Variants in UFM1 observed in about 807,000 individuals in gnomAD.
UFM1 encodes ubiquitin-fold modifier 1.
In UFM1, 9 loss-of-function variants were observed where a neutral mutation model predicts 15.4. The observed-to-expected ratio is 0.59, with a 90% confidence interval of 0.35 to 1.02. UFM1 has a LOEUF of 1.02. Ranked by LOEUF, UFM1 falls within the 50% of genes least tolerant of loss-of-function variation. The pLI is 0.02. For missense variants in UFM1, 98 were observed against 104.7 expected, an observed-to-expected ratio of 0.94 and a Z score of 0.28; for synonymous variants, 27 against 36.3, an observed-to-expected ratio of 0.74 and a Z score of 0.92.
chr13:38,350,223 G>GA, intron 2 of UFM1, 168 bp downstream of exon 2: 1 of 1,609,168 alleles, frequency 6.2e-7, no homozygotes, highest in Non-Finnish European at 8.5e-7. Flanking sequence ...AGCCTGCGAG[G>GA]AGAGGTCCGT....
chr13:38,350,054 G>A lies in UFM1; in HGVS notation c.58G>A (p.Val20Ile). The part of the protein sequence containing the change: ...LTSDPRLPYK[V>I]LSVPESTPFT... ...GTCGGACCCACGGCTGCCGTACAAA[G>A]TGTGAGTAGCTCGGCCGAGATGGGC... Residue 20 changes from valine to isoleucine, a missense_variant and splice_region_variant, in exon 2 of 6, where the codon GTA becomes ATA. By Grantham distance (29) the Val-to-Ile change is conservative. Coordinates refer to ENST00000239878, the MANE Select transcript of UFM1 (RefSeq NM_016617.4). 2.5e-6 allele frequency: 4 copies of A among 1,614,258 alleles called. No individual in the cohort carries two copies. The highest frequency in any genetic ancestry group is 3.4e-6 in the Non-Finnish European group (4 of 1,180,058).
Position 38,362,273 on chromosome 13 carries a change from T to C in UFM1, c.*1495T>C, listed in dbSNP as rs1023429303. ...TTCTCTATCATAGGCCCTAAGTTCA[T>C]TGGGGGAAAAAAAATAAGAAGATTC... On this transcript the variant is annotated 3_prime_UTR_variant, in exon 6 of 6. Coordinates refer to ENST00000239878, the MANE Select transcript of UFM1 (RefSeq NM_016617.4). 7 of 151,954 alleles carry C rather than the reference T, an allele frequency of 4.6e-5. No individual in the cohort carries two copies. The highest frequency in any genetic ancestry group is 3.2e-3 in the Middle Eastern group (1 of 316). The allele number at this position is 151,954 out of a possible 1,614,324, so 9.4% of individuals were successfully genotyped here.
At chr13:38,358,155 T>C in intron 4 of UFM1, 23 bp downstream of exon 4, 1 of 1,406,724 alleles carries the variant, frequency 7.1e-7, no homozygotes, top group Admixed American at 2.5e-5. Context: ...TATAAAATTA[T>C]GTATTACCTC....
chr13:38,363,033 C>T lies in UFM1; in HGVS notation c.*2255C>T, dbSNP rs536535640. The T allele has an allele frequency of 1.3e-5, 2 of 152,148 alleles. No individual in the cohort carries two copies. Among genetic ancestry groups the T allele is most frequent in the East Asian group, 3.9e-4 (2 of 5,174 alleles). The allele number at this position is 152,148 out of a possible 1,614,324, so 9.4% of individuals were successfully genotyped here. A position where few individuals can be genotyped will look rare whatever the true frequency, so the allele number is the denominator to read the frequency against. Reference sequence around the variant, plus strand: ...ATTGTCTGTTCTTATTATTAGAGCTCTTAATCAGCACACCTTTTGAGTCAG... The same window carrying T: ...ATTGTCTGTTCTTATTATTAGAGCTTTTAATCAGCACACCTTTTGAGTCAG... On this transcript the variant is annotated 3_prime_UTR_variant, in exon 6 of 6. Coordinates refer to ENST00000239878, the MANE Select transcript of UFM1 (RefSeq NM_016617.4).
At chr13:38,358,186 A>C (rs1190159898) in intron 4 of UFM1, 54 bp downstream of exon 4, 39 of 1,137,928 alleles carry the variant, frequency 3.4e-5, no homozygotes, top group Non-Finnish European at 1.2e-6. Context: ...AAATGGTGTA[A>C]AAGGAACCAA....
rs911096000 is a variant in UFM1 at position 38,354,130 on chromosome 13, G to A, written c.60-109G>A. 1.7e-5 allele frequency: 16 copies of A among 916,010 alleles called. 1 individual carries two copies. Among genetic ancestry groups the A allele is most frequent in the Middle Eastern group, 3.0e-4 (1 of 3,388 alleles). 56.7% of individuals were successfully genotyped at this position (916,010 alleles called of 1,614,324 possible). On this transcript the variant is annotated intron_variant, in intron 2 of 5. Transcript: ENST00000239878. ...AATCAAAATCACTAACTTTGAAACTGAAAAGACAGCTTTGTCCAGATTGGC... is the reference window on the plus strand; with the variant it reads ...AATCAAAATCACTAACTTTGAAACTAAAAAGACAGCTTTGTCCAGATTGGC...
intron 2 of UFM1, among the ~76,000 whole-genome samples, chr13:38,352,216 G>C (rs953100001): frequency 6.0e-5 from 9 of 150,088 alleles, no homozygotes; most frequent in African/African-American, 2.2e-4. Flanking sequence ...TCCTTCCTCA[G>C]CCTCCCAAAT....
At chr13:38,350,199 G>A (rs1216492832) in intron 2 of UFM1, 144 bp downstream of exon 2, 1 of 1,613,014 alleles carries the variant, frequency 6.2e-7, no homozygotes, top group South Asian at 1.1e-5. Flanking sequence ...CCTTCCAGGA[G>A]CCTTTCCCAC....
At chr13:38,357,067 C>G (rs536985365) in intron 3 of UFM1, among the ~76,000 whole-genome samples, 3 of 151,874 alleles carry the variant, frequency 2.0e-5, no homozygotes, top group Middle Eastern at 6.8e-3. Context: ...GGCTTGCTAT[C>G]ACTGTTGGCC....
chr13:38,354,930 G>C (rs559418370), intron 3 of UFM1: 23 of 152,038 alleles, frequency 1.5e-4, no homozygotes, highest in African/African-American at 5.3e-4. Context: ...TCATTAGTTA[G>C]CTATGTGACA....
intron 2 of UFM1, among the ~76,000 whole-genome samples, chr13:38,352,931 C>G (rs1340960417): frequency 6.6e-6 from 1 of 152,136 alleles, no homozygotes; most frequent in Non-Finnish European, 1.5e-5. Context: ...ACTACATATA[C>G]ACTGCAAAAA....
intron 2 of UFM1, among the ~76,000 whole-genome samples, chr13:38,353,985 A>C (rs186403158): frequency 6.6e-5 from 10 of 152,206 alleles, no homozygotes; most frequent in Non-Finnish European, 1.3e-4. Flanking sequence ...AAATATATAA[A>C]TCTACACCTT....
intron 2 of UFM1, among the ~76,000 whole-genome samples, chr13:38,353,075 A>C (rs1878932363): frequency 6.6e-6 from 1 of 152,154 alleles, no homozygotes; most frequent in African/African-American, 2.4e-5. Context: ...AAAGGGTAAA[A>C]ATGATACCCA....
chr13:38,354,486 C>T (rs949127075), intron 3 of UFM1, 190 bp downstream of exon 3: 2 of 413,438 alleles, frequency 4.8e-6, no homozygotes. Flanking sequence ...AACAAATTGA[C>T]ATATCTGATT....
At chr13:38,350,364 T>C (rs1878780896) in intron 2 of UFM1, 3 of 932,038 alleles carry the variant, frequency 3.2e-6, no homozygotes, top group Non-Finnish European at 4.9e-6. Flanking sequence ...GACCAGGTTC[T>C]GGTAATTTGT....
intron 3 of UFM1, 88 bp from the exon 4 acceptor site, chr13:38,358,005 T>G (rs1277174467): frequency 6.8e-6 from 4 of 584,574 alleles, no homozygotes; most frequent in African/African-American, 2.0e-5. Flanking sequence ...AATTGGTATT[T>G]GTACCCCATT....
intron 5 of UFM1, 73 bp from the exon 6 acceptor site, chr13:38,360,638 T>A: frequency 1.7e-6 from 2 of 1,146,836 alleles, no homozygotes; most frequent in Non-Finnish European, 2.5e-6. Flanking sequence ...ATTTATTATA[T>A]TTAATAATTG....
chr13:38,362,470 T>TG lies in UFM1; in HGVS notation c.*1692_*1693insG, dbSNP rs1210092952. 2 of 150,182 alleles carry TG rather than the reference T, an allele frequency of 1.3e-5. No individual in the cohort carries two copies. Among genetic ancestry groups the TG allele is most frequent in the African/African-American group, 2.4e-5 (1 of 40,976 alleles). The allele number at this position is 150,182 out of a possible 1,614,324, so 9.3% of individuals were successfully genotyped here. On this transcript the variant is annotated 3_prime_UTR_variant, in exon 6 of 6. Coordinates refer to ENST00000239878, the MANE Select transcript of UFM1 (RefSeq NM_016617.4). ...TTTTATTTTTATTTATTTGTTTTGT[T>TG]TTTTTTTTTTTGAGGCAGACTCTCT...
chr13:38,362,623 T>C lies in UFM1; in HGVS notation c.*1845T>C, dbSNP rs1879465952. On this transcript the variant is annotated 3_prime_UTR_variant, in exon 6 of 6. Coordinates refer to ENST00000239878, the MANE Select transcript of UFM1 (RefSeq NM_016617.4). ...AGTTTTTATTTTTATAAACAAAATCTGATGTTCAGAGGCCCCGTTTCTTAC... is the reference window on the plus strand; with the variant it reads ...AGTTTTTATTTTTATAAACAAAATCCGATGTTCAGAGGCCCCGTTTCTTAC... 1 of 152,024 alleles carries C rather than the reference T, an allele frequency of 6.6e-6. No individual in the cohort carries two copies. The highest frequency in any genetic ancestry group is 1.5e-5 in the Non-Finnish European group (1 of 67,976). 9.4% of individuals were successfully genotyped at this position (152,024 alleles called of 1,614,324 possible). A position where few individuals can be genotyped will look rare whatever the true frequency, so the allele number is the denominator to read the frequency against.
Sources: allele counts gnomAD v4.1 joint callset (sites outside exome capture counted in the v4.1 genomes callset), GRCh38; gene constraint gnomAD v4.1.1; transcripts MANE v1.5; gene names NCBI Gene and HGNC (gene_info 2026-07-23, HGNC 2026-07-21).